The following ZC3H7A variants were observed in gnomAD, a reference collection of about 807,000 sequenced individuals.
ZC3H7A encodes the protein zinc finger CCCH domain-containing protein 7A.
ZC3H7A carries 44 observed loss-of-function variants against 125.5 expected under a neutral mutation model. The ratio of observed to expected loss-of-function variants is 0.35; its 90% confidence interval spans 0.28 to 0.45. The LOEUF is 0.45. Ranked by LOEUF, ZC3H7A falls within the 20% of genes least tolerant of loss-of-function variation. The pLI is 1.00. For missense variants in ZC3H7A, 977 were observed against 1,170.7 expected, an observed-to-expected ratio of 0.83 and a Z score of 2.41; for synonymous variants, 399 against 391.2, an observed-to-expected ratio of 1.02 and a Z score of -0.23.
chr16:11,766,181 A>C (rs1221876578), intron 13 of ZC3H7A, among the ~76,000 whole-genome samples: 1 of 152,208 alleles, frequency 6.6e-6, no homozygotes, highest in Non-Finnish European at 1.5e-5. Flanking sequence ...AAGTTCTCTC[A>C]AAAGCATCTT....
chr16:11,755,841 G>T (rs920741047), intron 21 of ZC3H7A, among the ~76,000 whole-genome samples: 1 of 152,170 alleles, frequency 6.6e-6, no homozygotes, highest in Non-Finnish European at 1.5e-5. Context: ...CAGGCAGTGA[G>T]TGACGGAGCC....
At chr16:11,781,487 C>G in intron 2 of ZC3H7A, 23 bp from the exon 3 acceptor site, 2 of 1,601,350 alleles carry the variant, frequency 1.2e-6, no homozygotes, top group Non-Finnish European at 1.7e-6. Flanking sequence ...AACAAATTAA[C>G]TGTAATTATC....
intron 15 of ZC3H7A, among the ~76,000 whole-genome samples, chr16:11,764,774 G>A (rs889958243): frequency 3.3e-5 from 5 of 150,476 alleles, no homozygotes; most frequent in Admixed American, 1.3e-4. Flanking sequence ...TGAATTAATT[G>A]GGGGGGGTAC....
intron 1 of ZC3H7A, among the ~76,000 whole-genome samples, chr16:11,785,353 A>T (rs2053240779): frequency 6.6e-6 from 1 of 151,486 alleles, no homozygotes; most frequent in Admixed American, 6.6e-5. Context: ...AAATAAAAAA[A>T]AAAGCAACCG....
At chr16:11,751,794 T>C (rs1275556524) in intron 22 of ZC3H7A, among the ~76,000 whole-genome samples, 1 of 151,940 alleles carries the variant, frequency 6.6e-6, no homozygotes, top group Non-Finnish European at 1.5e-5. Context: ...AGGAAAAAAA[T>C]GTCTTCAATA....
At chr16:11,796,991 G>A (rs1270331394) in intron 1 of ZC3H7A, 133 bp downstream of exon 1, 1 of 147,674 alleles carries the variant, frequency 6.8e-6, no homozygotes, top group African/African-American at 2.5e-5. Context: ...CCCGGACCCC[G>A]CCGCCCCTCC....
Position 11,773,742 on chromosome 16 carries a change from G to A in ZC3H7A, c.903+494C>T, listed in dbSNP as rs374818598. Among the ~76,000 whole-genome samples, 49 of 151,806 alleles carry A rather than the reference G, an allele frequency of 3.2e-4. No homozygotes were observed. The South Asian group carries it at 0.01, about 31-fold the overall frequency. On this transcript the variant is annotated intron_variant, in intron 9 of 22. Coordinates refer to ENST00000355758, the MANE Select transcript of ZC3H7A (RefSeq NM_014153.4). The stretch of plus-strand genomic sequence containing the variant: ...CTAAAAATACAAAAAAATTAGCCAG[G>A]CGTGGTGGCGGGCGCCTGTAGTCCC...
chr16:11,782,417 T>G (rs2053187110), intron 1 of ZC3H7A, 29 bp from the exon 2 acceptor site: 1 of 1,597,420 alleles, frequency 6.3e-7, no homozygotes, highest in Non-Finnish European at 8.6e-7. Context: ...AAAAAGCACA[T>G]AAGGTACCAG....
At chr16:11,756,033 C>T (rs888892355) in intron 21 of ZC3H7A, among the ~76,000 whole-genome samples, 1 of 152,030 alleles carries the variant, frequency 6.6e-6, no homozygotes, top group Admixed American at 6.5e-5. Flanking sequence ...CGTGGTGGCG[C>T]GAGCCTATAA....
chr16:11,771,468 A>C (rs2052980417), intron 9 of ZC3H7A, among the ~76,000 whole-genome samples: 1 of 152,088 alleles, frequency 6.6e-6, no homozygotes. Context: ...ACTTCTTTTC[A>C]AGAATAATTT....
chr16:11,781,651 CATAT>C (rs3972315), intron 2 of ZC3H7A, among the ~76,000 whole-genome samples, 187 bp from the exon 3 acceptor site: 44,177 of 144,922 alleles, frequency 0.3, 7,454 homozygotes, highest in South Asian at 0.49. Flanking sequence ...AATACATATA[CATAT>C]ATATATATAT....
At chr16:11,761,005 G>C (rs1172416407) in intron 19 of ZC3H7A, among the ~76,000 whole-genome samples, 1 of 152,136 alleles carries the variant, frequency 6.6e-6, no homozygotes, top group African/African-American at 2.4e-5. Flanking sequence ...CAGTGAAAGA[G>C]ACAAGGCATG....
chr16:11,791,130 CAT>C (rs1555497966), intron 1 of ZC3H7A, among the ~76,000 whole-genome samples: 38 of 147,456 alleles, frequency 2.6e-4, no homozygotes, highest in Non-Finnish European at 4.7e-4. Context: ...CACACACACA[CAT>C]CCCAATGCTT....
intron 1 of ZC3H7A, among the ~76,000 whole-genome samples, chr16:11,793,825 C>A (rs2053390967): frequency 6.6e-6 from 1 of 152,160 alleles, no homozygotes; most frequent in African/African-American, 2.4e-5. Context: ...CTCCCTTTTA[C>A]TGAAAAGGAA....
At chr16:11,786,052 G>A (rs188983663) in intron 1 of ZC3H7A, among the ~76,000 whole-genome samples, 4 of 152,298 alleles carry the variant, frequency 2.6e-5, no homozygotes, top group Admixed American at 2.0e-4. Flanking sequence ...GGGGTAGGAC[G>A]AGGTCTTTTC....
intron 21 of ZC3H7A, among the ~76,000 whole-genome samples, chr16:11,754,784 C>T (rs890710173): frequency 3.4e-5 from 5 of 145,920 alleles, no homozygotes; most frequent in Admixed American, 7.1e-5. Flanking sequence ...CCCAGCTACA[C>T]GGGAGGCTGA....
intron 12 of ZC3H7A, 120 bp from the exon 13 acceptor site, chr16:11,767,698 C>T: frequency 9.8e-7 from 1 of 1,016,038 alleles, no homozygotes; most frequent in East Asian, 2.8e-5. Context: ...ACAGAAATCC[C>T]ACTTCCACAA....
chr16:11,785,327 A>G (rs1567393351), intron 1 of ZC3H7A, among the ~76,000 whole-genome samples: 1 of 151,656 alleles, frequency 6.6e-6, no homozygotes, highest in Non-Finnish European at 1.5e-5. Context: ...TGACAGAGTG[A>G]GACCTTGCCT....
chr16:11,781,408 C>A lies in ZC3H7A; in HGVS notation c.108+17G>T. The A allele has an allele frequency of 6.3e-7, 1 of 1,596,068 alleles. No homozygotes were observed. ...CCACTTGCAGAGCTTTCAAGCAGAC[C>A]TTCCCGGAGTCATTACCGCATATTG... On this transcript the variant is annotated intron_variant, in intron 3 of 22. Coordinates refer to ENST00000355758, the MANE Select transcript of ZC3H7A (RefSeq NM_014153.4).
Sources: allele counts gnomAD v4.1 joint callset (sites outside exome capture counted in the v4.1 genomes callset), GRCh38; gene constraint gnomAD v4.1.1; transcripts MANE v1.5; gene names NCBI Gene and HGNC (gene_info 2026-07-23, HGNC 2026-07-21).